The following NR2C1 variants were observed in gnomAD, a reference collection of about 807,000 sequenced individuals.
NR2C1 encodes TR2 nuclear hormone receptor.
NR2C1 carries 33 observed loss-of-function variants against 74.8 expected under a neutral mutation model. The ratio of observed to expected loss-of-function variants is 0.44; its 90% confidence interval spans 0.33 to 0.59. The LOEUF (loss-of-function observed/expected upper bound fraction) is 0.59, where lower values mean the gene tolerates loss of function less well. Ranked by LOEUF, NR2C1 falls within the 20% of genes least tolerant of loss-of-function variation. The probability of loss-of-function intolerance (pLI) is 0.02; values close to 1 mark genes in which losing one functional copy is unlikely to be tolerated. For missense variants in NR2C1, 568 were observed against 715.6 expected (o/e 0.79, Z 2.35); for synonymous variants, 225 against 240.6 (o/e 0.94, Z 0.60).
chr12:95,044,259 C>T (rs1377985205), intron 9 of NR2C1, among the ~76,000 whole-genome samples: 1 of 151,718 alleles, frequency 6.6e-6, no homozygotes, highest in Non-Finnish European at 1.5e-5. Flanking sequence ...TTATAACAGC[C>T]TGCGTGATAT....
intron 9 of NR2C1, among the ~76,000 whole-genome samples, chr12:95,043,554 C>T (rs1871875157): frequency 6.6e-6 from 1 of 150,906 alleles, no homozygotes; most frequent in South Asian, 2.1e-4. Context: ...CCGGGCATGG[C>T]GGTGTGTGCC....
intron 2 of NR2C1, chr12:95,063,030 T>C (rs1875035592): frequency 2.3e-6 from 1 of 426,956 alleles, no homozygotes. Flanking sequence ...CTGTTCTGCA[T>C]ACTGGGATGT....
intron 10 of NR2C1, among the ~76,000 whole-genome samples, chr12:95,033,156 A>C (rs1407993848): frequency 6.6e-6 from 1 of 152,124 alleles, no homozygotes; most frequent in Non-Finnish European, 1.5e-5. Flanking sequence ...CTCAAAAAAA[A>C]AAAAAAAATT....
At chr12:95,028,588 A>G in intron 11 of NR2C1, 64 bp from the exon 12 acceptor site, 1 of 1,186,486 alleles carries the variant, frequency 8.4e-7, no homozygotes, top group Non-Finnish European at 1.2e-6. Flanking sequence ...CTTTCATCCA[A>G]TATATTTCCC....
At chr12:95,051,621 GAGATAATCAACCTGTATTT>G (rs1317323057) in intron 8 of NR2C1, 122 bp downstream of exon 8, 29 of 707,074 alleles carry the variant, frequency 4.1e-5, no homozygotes, top group Non-Finnish European at 4.5e-5. Flanking sequence ...TTTCGGATAA[GAGATAATCAACCTGTATTT>G]AGATAATCAA....
At chr12:95,053,681 GTTTTTTTTTTT>G (rs550069594) in intron 7 of NR2C1, among the ~76,000 whole-genome samples, 2 of 103,414 alleles carry the variant, frequency 1.9e-5, no homozygotes, top group Non-Finnish European at 3.8e-5. Context: ...TCTTTTTGGT[GTTTTTTTTTTT>G]TTTTTTTTTT....
At chr12:95,041,837 C>T (rs190029566) in intron 9 of NR2C1, among the ~76,000 whole-genome samples, 2 of 152,284 alleles carry the variant, frequency 1.3e-5, no homozygotes, top group African/African-American at 4.8e-5. Context: ...ACAAAAAAAG[C>T]ATGTGTAAGG....
chr12:95,049,153 C>A lies in NR2C1; in HGVS notation c.1046G>T (p.Ser349Ile), dbSNP rs1326939450. Reference sequence around the variant, plus strand: ...TGAATCTCCAGTGATTAGGTGTACACTTCCTTCCATGCCCGCTACTGAGCT... The same window carrying A: ...TGAATCTCCAGTGATTAGGTGTACAATTCCTTCCATGCCCGCTACTGAGCT... Reference protein sequence around the residue: ...CQSSVAGMEGSVHLITGDSSI... With the variant: ...CQSSVAGMEGIVHLITGDSSI... The change falls in exon 9 of 14, where the codon AGT (serine) becomes ATT (isoleucine). Residue 349 changes from serine to isoleucine, a missense_variant. Ser to Ile is a moderately radical substitution (Grantham distance 142). Around this residue, in one of 6 missense-constraint regions of NR2C1, gnomAD observed 239 missense variants for 232.3 expected, o/e 1.03. Transcript: ENST00000333003. 1.2e-6 allele frequency: 2 copies of A among 1,614,100 alleles called. No individual in the cohort carries two copies. The highest frequency in any genetic ancestry group is 1.7e-5 in the Admixed American group (1 of 60,020).
chr12:95,040,690 T>A, intron 9 of NR2C1, 93 bp from the exon 10 acceptor site: 2 of 1,173,648 alleles, frequency 1.7e-6, no homozygotes, highest in Non-Finnish European at 2.4e-6. Context: ...ACACATCAAA[T>A]GAGAGCTAAT....
At chr12:95,046,338 C>G (rs1872310937) in intron 9 of NR2C1, among the ~76,000 whole-genome samples, 1 of 152,180 alleles carries the variant, frequency 6.6e-6, no homozygotes, top group African/African-American at 2.4e-5. Flanking sequence ...GTAATCCCAG[C>G]ACTTCGGGAG....
At chr12:95,067,056 C>T in intron 2 of NR2C1, 3 of 487,682 alleles carry the variant, frequency 6.2e-6, no homozygotes, top group Non-Finnish European at 1.1e-5. Context: ...TTCCTACTCA[C>T]TCTACAGCTC....
Position 95,058,384 on chromosome 12 carries a change from A to T in NR2C1, c.470T>A (p.Ile157Asn). ...YSCRGSKDCI[I>N]NKHHRNRCQY... ...ACAGCGGTTTCGGTGGTGCTTATTAATAATACAATCCTTTGATCCTCGACA... is the reference window on the plus strand; with the variant it reads ...ACAGCGGTTTCGGTGGTGCTTATTATTAATACAATCCTTTGATCCTCGACA... Residue 157 changes from isoleucine (I) to asparagine (N), a missense_variant, in exon 5 of 14, where the codon ATT (isoleucine) becomes AAT (asparagine). Physicochemically the swap from Ile to Asn is moderately radical, Grantham distance 149. Coordinates refer to ENST00000333003, the MANE Select transcript of NR2C1 (RefSeq NM_003297.4). The T allele has an allele frequency of 6.2e-7, 1 of 1,613,774 alleles. No individual in the cohort carries two copies. Among genetic ancestry groups the T allele is most frequent in the South Asian group, 1.1e-5 (1 of 91,062 alleles).
intron 7 of NR2C1, among the ~76,000 whole-genome samples, chr12:95,056,451 T>G (rs765102409): frequency 2.0e-5 from 3 of 152,172 alleles, no homozygotes; most frequent in African/African-American, 7.2e-5. Context: ...TGGTCTAACA[T>G]AGAGCTGCTC....
intron 7 of NR2C1, among the ~76,000 whole-genome samples, chr12:95,053,841 G>A (rs939561026): frequency 1.3e-5 from 2 of 151,914 alleles, no homozygotes; most frequent in Non-Finnish European, 2.9e-5. Flanking sequence ...CCGCCACCAT[G>A]CCCAGCTAAT....
At chr12:95,071,074 G>A (rs894458643) in intron 1 of NR2C1, among the ~76,000 whole-genome samples, 8 of 152,046 alleles carry the variant, frequency 5.3e-5, no homozygotes, top group Non-Finnish European at 1.5e-5. Context: ...GGTGGACGGC[G>A]CCTGTGATCC....
intron 10 of NR2C1, among the ~76,000 whole-genome samples, chr12:95,037,752 G>A (rs996528620): frequency 2.0e-5 from 3 of 151,974 alleles, no homozygotes; most frequent in African/African-American, 7.2e-5. Flanking sequence ...AAAATTAGCC[G>A]GGTGTGGTTG....
chr12:95,064,653 GA>G (rs1435421540), intron 2 of NR2C1, among the ~76,000 whole-genome samples: 1 of 152,122 alleles, frequency 6.6e-6, no homozygotes, highest in African/African-American at 2.4e-5. Context: ...ATCTGGGGGG[GA>G]GGAACAAGTT....
chr12:95,038,427 T>C (rs947184731), intron 10 of NR2C1, among the ~76,000 whole-genome samples: 3 of 152,230 alleles, frequency 2.0e-5, no homozygotes, highest in African/African-American at 7.2e-5. Flanking sequence ...TGAATGTGAG[T>C]TACAAGATGA....
At chr12:95,022,843 T>G (rs2136085095) in intron 13 of NR2C1, among the ~76,000 whole-genome samples, 1 of 151,786 alleles carries the variant, frequency 6.6e-6, no homozygotes, top group African/African-American at 2.4e-5. Flanking sequence ...TACAGGAGTG[T>G]GCCACTATAC....
Sources: allele counts gnomAD v4.1 joint callset (sites outside exome capture counted in the v4.1 genomes callset), GRCh38; gene constraint gnomAD v4.1.1; regional missense constraint gnomAD v4.1.1; transcripts MANE v1.5; gene names NCBI Gene and HGNC (gene_info 2026-07-23, HGNC 2026-07-21).